CALM3: variants seen among roughly 807,000 people sequenced by gnomAD.
CALM3 encodes the protein calmodulin 3, also known as calmodulin-3.
Under a neutral mutation model 20.1 loss-of-function variants are expected in CALM3, and 5 were observed. The observed-to-expected ratio is 0.25, with a 90% CI of 0.13 to 0.52. The LOEUF (loss-of-function observed/expected upper bound fraction) is 0.52. Ranked by LOEUF, CALM3 falls within the 20% of genes least tolerant of loss-of-function variation. The pLI is 0.96. For synonymous variants in CALM3, 69 were observed against 68.1 expected, an observed-to-expected ratio of 1.01 and a Z score of -0.06; for missense variants, 57 against 192.8, an observed-to-expected ratio of 0.30 and a Z score of 4.17.
chr19:46,609,065 A>G, intron 5 of CALM3, 60 bp from the exon 6 acceptor site: 1 of 1,612,992 alleles, frequency 6.2e-7, no homozygotes, highest in Non-Finnish European at 8.5e-7. Flanking sequence ...CTTGTTGGGG[A>G]GGGCCGCTCG....
rs1260489759 is a variant in CALM3 at position 46,608,201 on chromosome 19, C to T, written c.39C>T (p.Phe13=). The T allele has an allele frequency of 6.2e-7, 1 of 1,613,524 alleles. No homozygotes were observed. The highest frequency in any genetic ancestry group is 8.5e-7 in the Non-Finnish European group (1 of 1,179,704). Reference sequence around the variant, plus strand: ...TCCTCCCCCTTCTTCCCCCAGAGTTCAAGGAGGCCTTCTCCCTCTTTGACA... The same window carrying T: ...TCCTCCCCCTTCTTCCCCCAGAGTTTAAGGAGGCCTTCTCCCTCTTTGACA... ...DQLTEEQIAE[F]KEAFSLFDKD... is the part of the protein sequence containing the mutation. Residue 13 remains phenylalanine, a synonymous_variant, in exon 3 of 6, where the codon TTC becomes TTT. Coordinates refer to ENST00000291295, the MANE Select transcript of CALM3 (RefSeq NM_005184.4). The surrounding 1 kb of genome is among the most constrained non-coding windows in gnomAD (Gnocchi z 5.5).
intron 1 of CALM3, chr19:46,602,671 A>G (rs540412279): frequency 1.2e-3 from 196 of 163,402 alleles, no homozygotes; most frequent in African/African-American, 3.7e-3. Context: ...CCTATTGCGC[A>G]CTGAAGCCTC....
chr19:46,601,223 G>A (rs537273281), upstream of CALM3: 749 of 279,858 alleles, frequency 2.7e-3, 2 homozygotes, highest in Non-Finnish European at 3.8e-3. The surrounding 1 kb of genome is among the most constrained non-coding windows in gnomAD (Gnocchi z 4.2). Flanking sequence ...CAGTGCGGCG[G>A]CGCGCGGGCC....
At chr19:46,606,064 C>A in intron 2 of CALM3, 1 of 543,992 alleles carries the variant, frequency 1.8e-6, no homozygotes, top group Non-Finnish European at 3.3e-6. Flanking sequence ...CTGAGACAGG[C>A]CTTTACCAGA....
intron 2 of CALM3, chr19:46,607,977 C>T: frequency 3.8e-6 from 2 of 531,112 alleles, no homozygotes; most frequent in Non-Finnish European, 6.7e-6. Context: ...CTTCACCTAG[C>T]ACAGTGTTGA....
In CALM3 at chr19:46,608,407, C is replaced by T; in HGVS notation, c.178+67C>T. 6.2e-7 allele frequency: 1 copy of T among 1,610,100 alleles called. No homozygotes were observed. The highest frequency in any genetic ancestry group is 1.3e-5 in the African/African-American group (1 of 74,984). ...CCCCGAGTGACTGCAGGGAGCCTCTCTCAGGGTGATGGATGAGCCCGTGTC... is the reference window on the plus strand; with the variant it reads ...CCCCGAGTGACTGCAGGGAGCCTCTTTCAGGGTGATGGATGAGCCCGTGTC... On this transcript the variant is annotated intron_variant, in intron 3 of 5. Transcript: ENST00000291295. This position sits in a 1 kb window ranked among gnomAD's most constrained non-coding sequence, Gnocchi z 5.5.
chr19:46,601,843 C>T lies in CALM3; in HGVS notation c.3+406C>T, dbSNP rs1971624851. Among the ~76,000 whole-genome samples, 1 of 151,414 alleles carries T rather than the reference C, an allele frequency of 6.6e-6. No homozygotes were observed. Among genetic ancestry groups the T allele is most frequent in the South Asian group, 2.1e-4 (1 of 4,780 alleles). On this transcript the variant is annotated intron_variant, in intron 1 of 5. Transcript: ENST00000291295. The surrounding 1 kb of genome is among the most constrained non-coding windows in gnomAD (Gnocchi z 4.2). ...AGATGGGCTGGGGAGGGGAGCTATT[C>T]GGGCCCTGATGAAGGCGTTTGGTCC...
intron 2 of CALM3, among the ~76,000 whole-genome samples, chr19:46,606,789 G>C (rs1971751971): frequency 6.6e-6 from 1 of 152,260 alleles, no homozygotes; most frequent in African/African-American, 2.4e-5. Flanking sequence ...ATACTGAGCT[G>C]CCCGAGGACA....
At chr19:46,607,565 C>T (rs1463718504) in intron 2 of CALM3, among the ~76,000 whole-genome samples, 1 of 152,204 alleles carries the variant, frequency 6.6e-6, no homozygotes, top group African/African-American at 2.4e-5. Flanking sequence ...GCCGTCCCCT[C>T]GCTTTCCATC....
chr19:46,606,238 A>ATAC, intron 2 of CALM3: 3 of 210,848 alleles, frequency 1.4e-5, no homozygotes, highest in Non-Finnish European at 2.9e-5. Context: ...CCACTTTAGG[A>ATAC]GCCGCCCAGG....
Position 46,608,773 on chromosome 19 carries a change from C to T in CALM3, c.286-73C>T, listed in dbSNP as rs770450942. 96 of 1,463,098 alleles carry T rather than the reference C, an allele frequency of 6.6e-5. No homozygotes were observed. The highest frequency in any genetic ancestry group is 4.9e-4 in the Admixed American group (22 of 45,128). The allele number at this position is 1,463,098 out of a possible 1,614,324, so 90.6% of individuals were successfully genotyped here. A position where few individuals can be genotyped will look rare whatever the true frequency, so the allele number is the denominator to read the frequency against. ...GCTCACTGCTGAGGGATGGTGATGA[C>T]AGCCACCCCTCTCACTGCCTCTCTC... On this transcript the variant is annotated intron_variant, in intron 4 of 5. Coordinates refer to ENST00000291295, the MANE Select transcript of CALM3 (RefSeq NM_005184.4). The surrounding 1 kb of genome is among the most constrained non-coding windows in gnomAD (Gnocchi z 5.5).
At position 46,608,632 on chromosome 19, in the gene CALM3, C is replaced by CAG; in HGVS notation, c.285+44_285+45insAG. The CAG allele has an allele frequency of 1.3e-6, 2 of 1,511,980 alleles. No individual in the cohort carries two copies. Among genetic ancestry groups the CAG allele is most frequent in the Non-Finnish European group, 1.8e-6 (2 of 1,089,082 alleles). 93.7% of individuals were successfully genotyped at this position (1,511,980 alleles called of 1,614,324 possible). On this transcript the variant is annotated intron_variant, in intron 4 of 5. Coordinates refer to ENST00000291295, the MANE Select transcript of CALM3 (RefSeq NM_005184.4). The surrounding 1 kb of genome is among the most constrained non-coding windows in gnomAD (Gnocchi z 5.5). ...GGGCGGCTCTGAGACTGACGCCAGCCTTCAGGCAGACAGGCGGAACTGGAG... is the reference window on the plus strand; with the variant it reads ...GGGCGGCTCTGAGACTGACGCCAGCCAGTTCAGGCAGACAGGCGGAACTGGAG...
Position 46,608,077 on chromosome 19 carries a change from C to T in CALM3, c.35-120C>T. 1.1e-6 allele frequency: 1 copy of T among 912,246 alleles called. No individual in the cohort carries two copies. Among genetic ancestry groups the T allele is most frequent in the Non-Finnish European group, 1.7e-6 (1 of 595,360 alleles). 56.5% of individuals were successfully genotyped at this position (912,246 alleles called of 1,614,324 possible). ...GTTGCGTGGGACTTGAAGTCTGTCT[C>T]AGTTTCTTTAGGTGGGACTGATGCC... On this transcript the variant is annotated intron_variant, in intron 2 of 5. Transcript: ENST00000291295. The surrounding 1 kb of genome is among the most constrained non-coding windows in gnomAD (Gnocchi z 5.5).
intron 2 of CALM3, among the ~76,000 whole-genome samples, chr19:46,606,996 T>C (rs1441256773): frequency 6.6e-6 from 1 of 152,128 alleles, no homozygotes; most frequent in Non-Finnish European, 1.5e-5. Flanking sequence ...CTTCTCTCCT[T>C]TCTCCCCTCA....
chr19:46,605,567 GGTCT>G lies in CALM3; in HGVS notation c.4-258_4-255del, dbSNP rs1290689881. On this transcript the variant is annotated intron_variant, in intron 1 of 5. Coordinates refer to ENST00000291295, the MANE Select transcript of CALM3 (RefSeq NM_005184.4). This position sits in a 1 kb window ranked among gnomAD's most constrained non-coding sequence, Gnocchi z 4.1. ...GCTGAGTTGAGATTGGAAGCCCGTG[GGTCT>G]GGGCAGCTTCATCGGGCCGTGCGTC... 2.6e-5 allele frequency among the ~76,000 whole-genome samples: 4 copies of G among 152,246 alleles called. No homozygotes were observed. The highest frequency in any genetic ancestry group is 9.6e-5 in the African/African-American group (4 of 41,466).
Position 46,610,472 on chromosome 19 carries a change from C to G in CALM3, c.*1319C>G, listed in dbSNP as rs1261635448. 1 of 145,722 alleles carries G rather than the reference C, an allele frequency of 6.9e-6. No homozygotes were observed. Among genetic ancestry groups the G allele is most frequent in the Non-Finnish European group, 1.5e-5 (1 of 66,376 alleles). The allele number at this position is 145,722 out of a possible 1,614,324, so 9.0% of individuals were successfully genotyped here. A position where few individuals can be genotyped will look rare whatever the true frequency, so the allele number is the denominator to read the frequency against. On this transcript the variant is annotated 3_prime_UTR_variant, in exon 6 of 6. Transcript: ENST00000291295. ...TTCATCTGGCTCCCCCCACCACCTC[C>G]CCACCCCACCCCCCACCCCCTGCTT...
intron 2 of CALM3, among the ~76,000 whole-genome samples, chr19:46,607,605 G>A (rs1309172581): frequency 1.3e-5 from 2 of 152,118 alleles, no homozygotes; most frequent in Non-Finnish European, 2.9e-5. Flanking sequence ...CTGTCCGTCA[G>A]CCATGTTCTG....
At chr19:46,603,619 A>G (rs1971680249) in intron 1 of CALM3, among the ~76,000 whole-genome samples, 2 of 152,168 alleles carry the variant, frequency 1.3e-5, no homozygotes, top group Non-Finnish European at 2.9e-5. Flanking sequence ...TATTTTGGAA[A>G]CAGTTTTTGT....
At position 46,608,244 on chromosome 19, in the gene CALM3, A is replaced by G. The variant is rs763100441; in HGVS notation, c.82A>G (p.Ile28Val). 3.7e-6 allele frequency: 6 copies of G among 1,613,900 alleles called. No individual in the cohort carries two copies. The highest frequency in any genetic ancestry group is 5.1e-6 in the Non-Finnish European group (6 of 1,179,884). ...CTTTGACAAGGATGGAGATGGCACT[A>G]TCACCACCAAGGAGTTGGGGACAGT... ...SLFDKDGDGT[I>V]TTKELGTVMR... Residue 28 changes from isoleucine to valine, a missense_variant, in exon 3 of 6, where the codon ATC (isoleucine) becomes GTC (valine). Physicochemically the swap from Ile to Val is conservative, Grantham distance 29. Coordinates refer to ENST00000291295, the MANE Select transcript of CALM3 (RefSeq NM_005184.4). This position sits in a 1 kb window ranked among gnomAD's most constrained non-coding sequence, Gnocchi z 5.5.
Sources: gnomAD v4.1 joint callset for allele counts (sites outside exome capture counted in the v4.1 genomes callset) on GRCh38, gnomAD v4.1.1 for gene constraint, Gnocchi (gnomAD v3.1) non-coding constraint, MANE v1.5 for transcripts, NCBI Gene and HGNC (gene_info 2026-07-23, HGNC 2026-07-21) for gene names.